ZZEF1: variants seen among roughly 807,000 people sequenced by gnomAD.
The protein encoded by ZZEF1 is zinc finger ZZ-type and EF-hand domain-containing protein 1.
In ZZEF1, 157 loss-of-function variants were observed where a neutral mutation model predicts 342.8. That is an observed-to-expected ratio of 0.46 (90% CI 0.40 to 0.52). The LOEUF is 0.52. Among genes scored for constraint, ZZEF1 ranks in the 20% least tolerant of loss-of-function variants. The probability of loss-of-function intolerance (pLI) is 0.00; values close to 1 mark genes in which losing one functional copy is unlikely to be tolerated. For synonymous variants in ZZEF1, 1,505 were observed against 1,429.1 expected (o/e 1.05, Z -1.20); for missense variants, 3,480 against 3,725.6 (o/e 0.93, Z 1.72).
rs1372520455 is a variant in ZZEF1 at position 4,014,289 on chromosome 17, T to C, written c.8314+58A>G. 1.2e-6 allele frequency: 2 copies of C among 1,611,510 alleles called. No individual in the cohort carries two copies. Among genetic ancestry groups the C allele is most frequent in the Admixed American group, 3.3e-5 (2 of 59,958 alleles). On this transcript the variant is annotated intron_variant, in intron 50 of 54. Coordinates refer to ENST00000381638, the MANE Select transcript of ZZEF1 (RefSeq NM_015113.4). This position sits in a 1 kb window ranked among gnomAD's most constrained non-coding sequence, Gnocchi z 4.4. ...ATTCTCCAGTAAGTTCCCTTCTCAATATTAAGTTTAAACACTGCCTGTGAA... is the reference window on the plus strand; with the variant it reads ...ATTCTCCAGTAAGTTCCCTTCTCAACATTAAGTTTAAACACTGCCTGTGAA...
At chr17:4,095,762 C>T (rs1358132993) in intron 11 of ZZEF1, 69 bp downstream of exon 11, 21 of 1,500,464 alleles carry the variant, frequency 1.4e-5, no homozygotes, top group Non-Finnish European at 1.9e-5. Context: ...AGCATGAATA[C>T]ATTCTTATTA....
chr17:4,105,248 T>C (rs1012322231), intron 7 of ZZEF1, among the ~76,000 whole-genome samples: 7 of 152,182 alleles, frequency 4.6e-5, no homozygotes, highest in Admixed American at 2.0e-4. Context: ...TGACCTCTAA[T>C]GCAATAATGT....
In ZZEF1 at chr17:4,090,771, T is replaced by G; in HGVS notation, c.1973A>C (p.Glu658Ala). The G allele has an allele frequency of 6.2e-7, 1 of 1,614,142 alleles. No homozygotes were observed. The highest frequency in any genetic ancestry group is 1.3e-5 in the African/African-American group (1 of 75,064). The stretch of plus-strand genomic sequence containing the variant: ...CACATCTGCTTCATCCCATTCTTCT[T>G]CCAGTTCAAACCAGCCAATAGGATC... ...EDDPIGWFEL[E>A]EEWDEADVKL... Residue 658 changes from glutamate to alanine, a missense_variant, in exon 12 of 55, where the codon GAA becomes GCA. Coordinates refer to ENST00000381638, the MANE Select transcript of ZZEF1 (RefSeq NM_015113.4).
rs2055873840 is a variant in ZZEF1 at position 4,008,994 on chromosome 17, A to T, written c.8734-40T>A. On this transcript the variant is annotated intron_variant, in intron 53 of 54. Coordinates refer to ENST00000381638, the MANE Select transcript of ZZEF1 (RefSeq NM_015113.4). The surrounding 1 kb of genome is among the most constrained non-coding windows in gnomAD (Gnocchi z 4.2). Reference sequence around the variant, plus strand: ...CAGGGGCTGTGAGTGACAGCGCCAGATGCGCAGTGCAGCTCTCCCAGACCA... The same window carrying T: ...CAGGGGCTGTGAGTGACAGCGCCAGTTGCGCAGTGCAGCTCTCCCAGACCA... 3 of 1,535,888 alleles carry T rather than the reference A, an allele frequency of 2.0e-6. No individual in the cohort carries two copies. The East Asian group carries it at 7.3e-5, about 38-fold the overall frequency.
At chr17:4,124,477 T>C (rs1276050047) in intron 1 of ZZEF1, among the ~76,000 whole-genome samples, 1 of 152,206 alleles carries the variant, frequency 6.6e-6, no homozygotes, top group African/African-American at 2.4e-5. Context: ...AGTTTCTTTC[T>C]TGTCGCCCAG....
At chr17:4,009,126 G>A (rs898054061) in intron 53 of ZZEF1, 172 bp from the exon 54 acceptor site, 1 of 791,070 alleles carries the variant, frequency 1.3e-6, no homozygotes, top group South Asian at 1.8e-5. Flanking sequence ...CGGGAGCCAG[G>A]TGCCCGGTGC....
chr17:4,082,031 T>TG (rs2057733199), intron 17 of ZZEF1, among the ~76,000 whole-genome samples: 1 of 152,220 alleles, frequency 6.6e-6, no homozygotes, highest in African/African-American at 2.4e-5. Context: ...TTAGCTTCTC[T>TG]GGTAGTTGAA....
At chr17:4,071,325 G>C (rs1054947916) in intron 25 of ZZEF1, 5 of 169,406 alleles carry the variant, frequency 3.0e-5, no homozygotes, top group South Asian at 1.5e-4. Context: ...TTACGAGTCA[G>C]TGGGGAGACT....
intron 46 of ZZEF1, among the ~76,000 whole-genome samples, chr17:4,018,241 TTTA>T (rs1221583503): frequency 6.6e-6 from 1 of 152,186 alleles, no homozygotes; most frequent in Non-Finnish European, 1.5e-5. Flanking sequence ...ATTTAAATGT[TTTA>T]TTTTCATTAA....
At chr17:4,106,211 G>A (rs2058210441) in intron 6 of ZZEF1, among the ~76,000 whole-genome samples, 2 of 152,294 alleles carry the variant, frequency 1.3e-5, no homozygotes, top group South Asian at 2.1e-4. Flanking sequence ...CTCCCACAGT[G>A]CTATGATTAC....
chr17:4,024,913 C>G lies in ZZEF1; in HGVS notation c.7092+6G>C. ...TCCACTGCCAACTGGAGAAGCTCCC[C>G]ATTACCTTTAGTGTTTTATACAATC... On this transcript the variant is annotated splice_donor_region_variant and intron_variant, in intron 43 of 54. Transcript: ENST00000381638. 1 of 1,614,086 alleles carries G rather than the reference C, an allele frequency of 6.2e-7. No homozygotes were observed. Among genetic ancestry groups the G allele is most frequent in the Non-Finnish European group, 8.5e-7 (1 of 1,179,918 alleles).
At chr17:4,078,303 C>G (rs893730806) in intron 18 of ZZEF1, among the ~76,000 whole-genome samples, 4 of 152,164 alleles carry the variant, frequency 2.6e-5, no homozygotes, top group Admixed American at 2.6e-4. Flanking sequence ...AACCTTACCC[C>G]CCTGGGTATC....
rs913122297 is a variant in ZZEF1, at chr17:4,086,847, T to C, written c.2343-192A>G. On this transcript the variant is annotated intron_variant, in intron 14 of 54. Coordinates refer to ENST00000381638, the MANE Select transcript of ZZEF1 (RefSeq NM_015113.4). Reference sequence around the variant, plus strand: ...ACTAAATGTCTGGAAACAGATCCCATCTGACTCTGCCCACTGTGGGGAAGG... The same window carrying C: ...ACTAAATGTCTGGAAACAGATCCCACCTGACTCTGCCCACTGTGGGGAAGG... Among the ~76,000 whole-genome samples, 23 of 152,340 alleles carry C rather than the reference T, an allele frequency of 1.5e-4. No individual in the cohort carries two copies. The East Asian group carries it at 1.9e-3, about 13-fold the overall frequency.
At chr17:4,050,624 G>A (rs546588463) in intron 36 of ZZEF1, among the ~76,000 whole-genome samples, 157 bp downstream of exon 36, 1 of 152,184 alleles carries the variant, frequency 6.6e-6, no homozygotes, top group South Asian at 2.1e-4. Flanking sequence ...AAATCCATCG[G>A]GGAACTTAAA....
At position 4,096,637 on chromosome 17, in the gene ZZEF1, G is replaced by A; in HGVS notation, c.1736C>T (p.Ala579Val). 1.2e-6 allele frequency: 2 copies of A among 1,614,014 alleles called. No individual in the cohort carries two copies. The highest frequency in any genetic ancestry group is 1.7e-6 in the Non-Finnish European group (2 of 1,179,940). The change falls in exon 10 of 55, where the codon GCC becomes GTC. Residue 579 changes from alanine (A) to valine (V), a missense_variant. Around this residue, in one of 5 missense-constraint regions of ZZEF1, gnomAD observed 1,528 missense variants for 1,624.1 expected, o/e 0.94. Coordinates refer to ENST00000381638, the MANE Select transcript of ZZEF1 (RefSeq NM_015113.4). ...AATTCTTATCTGTGTAACTTGGAAG[G>A]CAGATTCAGTTCCGGTAGAAAAAAT... ...STIFSTGTESAFQVTQIRIMV... is the reference protein window; with the variant it reads ...STIFSTGTESVFQVTQIRIMV...
At chr17:4,137,838 A>C (rs1278831140) in intron 1 of ZZEF1, among the ~76,000 whole-genome samples, 1 of 152,190 alleles carries the variant, frequency 6.6e-6, no homozygotes, top group Non-Finnish European at 1.5e-5. Flanking sequence ...GGCTGAAAAC[A>C]CCATTATGGA....
chr17:4,123,496 C>G (rs573469749), intron 2 of ZZEF1, among the ~76,000 whole-genome samples: 21 of 151,854 alleles, frequency 1.4e-4, no homozygotes, highest in Non-Finnish European at 2.6e-4. Flanking sequence ...AGAAATAAGA[C>G]AGAAGGTCCC....
At chr17:4,065,899 G>A (rs760130056) in intron 28 of ZZEF1, among the ~76,000 whole-genome samples, 5 of 152,172 alleles carry the variant, frequency 3.3e-5, no homozygotes, top group Non-Finnish European at 1.5e-5. Context: ...GGGAGGCTGA[G>A]GTGGGAGGAT....
At chr17:4,012,446 T>C (rs1272182926) in intron 52 of ZZEF1, among the ~76,000 whole-genome samples, 1 of 152,208 alleles carries the variant, frequency 6.6e-6, no homozygotes, top group Admixed American at 6.5e-5. Context: ...ATCACTGCAC[T>C]CTGGCTAGCA....
Sources: allele counts gnomAD v4.1 joint callset (sites outside exome capture counted in the v4.1 genomes callset), GRCh38; gene constraint gnomAD v4.1.1; regional missense constraint gnomAD v4.1.1; non-coding constraint Gnocchi (gnomAD v3.1); transcripts MANE v1.5; gene names NCBI Gene and HGNC (gene_info 2026-07-23, HGNC 2026-07-21).